WDR37: variants seen among roughly 807,000 people sequenced by gnomAD.
WDR37 encodes the protein WD repeat domain 37, also known as WD repeat-containing protein 37.
Under a neutral mutation model 62.9 loss-of-function variants are expected in WDR37, and 19 were observed. The ratio of observed to expected loss-of-function variants is 0.30; its 90% CI spans 0.21 to 0.44. The LOEUF (loss-of-function observed/expected upper bound fraction) is 0.44, where lower values mean the gene tolerates loss of function less well. Among genes scored for constraint, WDR37 ranks in the 20% least tolerant of loss-of-function variants. WDR37 has a pLI of 1.00. For missense variants in WDR37, 474 were observed against 657.6 expected, an observed-to-expected ratio of 0.72 and a Z score of 3.05; for synonymous variants, 250 against 260.9, an observed-to-expected ratio of 0.96 and a Z score of 0.40.
At chr10:1,088,214 G>T (rs144265955) in intron 7 of WDR37, among the ~76,000 whole-genome samples, 2 of 152,164 alleles carry the variant, frequency 1.3e-5, no homozygotes, top group African/African-American at 2.4e-5. Context: ...GTGTATCGGC[G>T]TTCTTGTCAT....
At chr10:1,096,129 G>A (rs1210758369) in intron 8 of WDR37, 41 bp from the exon 9 acceptor site, 9 of 1,604,170 alleles carry the variant, frequency 5.6e-6, no homozygotes, top group Non-Finnish European at 6.8e-6. Flanking sequence ...ATTTTACCAT[G>A]GTCTGTGCCT....
intron 9 of WDR37, among the ~76,000 whole-genome samples, chr10:1,102,894 C>G (rs1312654154): frequency 6.6e-6 from 1 of 152,144 alleles, no homozygotes; most frequent in Admixed American, 6.5e-5. Context: ...TACCAGGGGT[C>G]CTCACTCCAG....
chr10:1,069,335 G>A (rs1019981140), intron 1 of WDR37, among the ~76,000 whole-genome samples: 1 of 138,694 alleles, frequency 7.2e-6, no homozygotes, highest in Non-Finnish European at 1.5e-5. Context: ...ATTGTTCATG[G>A]CAACTTTATT....
chr10:1,058,786 C>T (rs1833280381), intron 1 of WDR37, among the ~76,000 whole-genome samples: 1 of 152,178 alleles, frequency 6.6e-6, no homozygotes. Context: ...TGTCTCAGCC[C>T]ACTAGGAATT....
intron 1 of WDR37, among the ~76,000 whole-genome samples, chr10:1,060,611 C>G (rs987150407): frequency 1.3e-5 from 2 of 152,126 alleles, no homozygotes; most frequent in East Asian, 3.8e-4. Context: ...TTAGGTAAAA[C>G]AGTGCATAGA....
intron 12 of WDR37, among the ~76,000 whole-genome samples, chr10:1,124,679 T>TA (rs1835685416): frequency 1.3e-5 from 2 of 151,736 alleles, no homozygotes; most frequent in Admixed American, 6.6e-5. Context: ...TGTGTGTGTG[T>TA]GTGTGTGTGT....
chr10:1,073,452 C>T (rs1256693702), intron 2 of WDR37, among the ~76,000 whole-genome samples: 1 of 152,154 alleles, frequency 6.6e-6, no homozygotes, highest in Non-Finnish European at 1.5e-5. Flanking sequence ...AGGATCTTTA[C>T]CTCAAATTAG....
intron 11 of WDR37, among the ~76,000 whole-genome samples, chr10:1,117,488 G>A (rs1330597693): frequency 6.6e-6 from 1 of 152,210 alleles, no homozygotes; most frequent in Non-Finnish European, 1.5e-5. Flanking sequence ...TCATAAATAA[G>A]GACTTAAGGA....
chr10:1,068,727 A>G (rs765147724), intron 1 of WDR37, among the ~76,000 whole-genome samples: 5 of 152,232 alleles, frequency 3.3e-5, no homozygotes, highest in African/African-American at 1.2e-4. Context: ...ATGATTAAAC[A>G]TAAGCAATTC....
chr10:1,128,539 A>T (rs1027026118), intron 13 of WDR37, among the ~76,000 whole-genome samples: 1 of 152,260 alleles, frequency 6.6e-6, no homozygotes, highest in Non-Finnish European at 1.5e-5. Context: ...TTGTAGTTCC[A>T]TTATTACTGA....
intron 9 of WDR37, among the ~76,000 whole-genome samples, chr10:1,102,396 TA>T (rs113148608): frequency 0.071 from 10,753 of 152,260 alleles, 637 homozygotes; most frequent in African/African-American, 0.16. Context: ...TGCATTGCTA[TA>T]AAAAATACTT....
chr10:1,075,952 G>A (rs1833866488), intron 2 of WDR37, among the ~76,000 whole-genome samples: 1 of 151,924 alleles, frequency 6.6e-6, no homozygotes, highest in Non-Finnish European at 1.5e-5. Flanking sequence ...GTTAATTTTT[G>A]TATTTTTAGT....
chr10:1,125,082 A>G (rs1835697839), intron 13 of WDR37, 58 bp downstream of exon 13: 13 of 1,578,632 alleles, frequency 8.2e-6, no homozygotes, highest in South Asian at 1.2e-5. Context: ...GGGTAGAGAT[A>G]TTTTACATTC....
At chr10:1,114,344 T>C (rs1008919518) in intron 11 of WDR37, among the ~76,000 whole-genome samples, 24 of 152,216 alleles carry the variant, frequency 1.6e-4, no homozygotes, top group African/African-American at 5.8e-4. Flanking sequence ...ACTCCATTGC[T>C]GTCCTATTTT....
At position 1,107,065 on chromosome 10, in the gene WDR37, G is replaced by GTGT. The variant is rs550085394; in HGVS notation, c.1103+1804_1103+1806dup. On this transcript the variant is annotated intron_variant, in intron 11 of 13. Transcript: ENST00000263150. ...GTGGTCAGTGGCTGAACGCAGCACT[G>GTGT]TGTTGTTGCTGCATCAGGGTGCAGC... 7.9e-4 allele frequency among the ~76,000 whole-genome samples: 120 copies of GTGT among 152,378 alleles called. No individual in the cohort carries two copies. The Middle Eastern group carries it at 0.01, about 13-fold the overall frequency.
In WDR37 at chr10:1,080,123, G is replaced by A. The variant is rs1833984763; in HGVS notation, c.331+17G>A. On this transcript the variant is annotated intron_variant, in intron 4 of 13. Transcript: ENST00000263150. ...AAACAAAAGGTAAGGTGAATCCCATGAAAGTCTTGTCCTGCAGATTATACA... is the reference window on the plus strand; with the variant it reads ...AAACAAAAGGTAAGGTGAATCCCATAAAAGTCTTGTCCTGCAGATTATACA... 1.9e-6 allele frequency: 3 copies of A among 1,613,268 alleles called. No individual in the cohort carries two copies. The highest frequency in any genetic ancestry group is 3.3e-5 in the Admixed American group (2 of 59,946).
At chr10:1,127,124 A>C (rs1370193026) in intron 13 of WDR37, among the ~76,000 whole-genome samples, 2 of 152,214 alleles carry the variant, frequency 1.3e-5, no homozygotes, top group Non-Finnish European at 2.9e-5. Context: ...TAAAGTTTGC[A>C]TTTTGAAACA....
At chr10:1,128,057 C>T (rs1307154905) in intron 13 of WDR37, among the ~76,000 whole-genome samples, 2 of 152,100 alleles carry the variant, frequency 1.3e-5, no homozygotes, top group Non-Finnish European at 2.9e-5. Context: ...CTTTTGTAAC[C>T]CTTTGTTATG....
chr10:1,066,953 G>A (rs1395807409), intron 1 of WDR37, among the ~76,000 whole-genome samples: 1 of 152,138 alleles, frequency 6.6e-6, no homozygotes, highest in East Asian at 1.9e-4. Context: ...TTACTATCAC[G>A]AGAACAGCAC....
Sources: allele counts gnomAD v4.1 joint callset (sites outside exome capture counted in the v4.1 genomes callset), GRCh38; gene constraint gnomAD v4.1.1; transcripts MANE v1.5; gene names NCBI Gene and HGNC (gene_info 2026-07-23, HGNC 2026-07-21).